Variants in PHTF2 observed in about 807,000 individuals in gnomAD.
The protein encoded by PHTF2 is protein PHTF2.
Under a neutral mutation model 101.2 loss-of-function variants are expected in PHTF2, and 60 were observed. The ratio of observed to expected loss-of-function variants is 0.59; its 90% confidence interval spans 0.48 to 0.73. The LOEUF is 0.73. Ranked by LOEUF, PHTF2 falls within the 30% of genes least tolerant of loss-of-function variation. The probability of loss-of-function intolerance (pLI) is 0.00; values close to 1 mark genes in which losing one functional copy is unlikely to be tolerated. For synonymous variants in PHTF2, 311 were observed against 307.3 expected (o/e 1.01, Z -0.13); for missense variants, 747 against 908.7 (o/e 0.82, Z 2.29).
intron 7 of PHTF2, among the ~76,000 whole-genome samples, chr7:77,904,762 C>T (rs573972657): frequency 5.9e-5 from 9 of 152,210 alleles, no homozygotes; most frequent in South Asian, 4.1e-4. Flanking sequence ...TGTCTCCAAA[C>T]GTAGTCACAT....
intron 1 of PHTF2, among the ~76,000 whole-genome samples, chr7:77,818,726 A>G (rs1562839660): frequency 1.3e-5 from 2 of 152,186 alleles, no homozygotes; most frequent in Admixed American, 6.5e-5. Flanking sequence ...TGCTTCAGCT[A>G]TTCAGAGGCT....
exon 20 of PHTF2, chr7:77,956,004 G>T (rs1806969904): frequency 1.3e-5 from 2 of 152,424 alleles, no homozygotes; most frequent in Admixed American, 6.6e-5. Context: ...CAAATAATTT[G>T]CCAAGTGTCC....
chr7:77,936,535 G>A (rs1033206455), intron 12 of PHTF2, among the ~76,000 whole-genome samples: 1 of 151,814 alleles, frequency 6.6e-6, no homozygotes, highest in South Asian at 2.1e-4. Context: ...TTAGCTGGGC[G>A]TGGTGGTGGG....
intron 10 of PHTF2, among the ~76,000 whole-genome samples, chr7:77,922,017 CTTTTTTTTT>C (rs35763664): frequency 5.2e-5 from 5 of 95,266 alleles, no homozygotes; most frequent in Admixed American, 4.8e-4. Flanking sequence ...GTTTATATTC[CTTTTTTTTT>C]TTTTTTTTTT....
At chr7:77,823,701 A>G (rs1196106247) in intron 1 of PHTF2, among the ~76,000 whole-genome samples, 2 of 152,208 alleles carry the variant, frequency 1.3e-5, no homozygotes, top group African/African-American at 4.8e-5. Flanking sequence ...TATATGGTAT[A>G]TTTGTGAACC....
chr7:77,871,302 C>T (rs1203500539), intron 3 of PHTF2, among the ~76,000 whole-genome samples: 3 of 152,292 alleles, frequency 2.0e-5, no homozygotes, highest in South Asian at 2.1e-4. Flanking sequence ...TCCTTACCTC[C>T]GTTGTGGAGT....
At chr7:77,816,235 T>C (rs902608943) in intron 1 of PHTF2, among the ~76,000 whole-genome samples, 1 of 152,076 alleles carries the variant, frequency 6.6e-6, no homozygotes, top group Non-Finnish European at 1.5e-5. Context: ...CCACAATGCC[T>C]GGCTAATTTT....
chr7:77,828,222 A>T (rs1466347401), intron 1 of PHTF2, among the ~76,000 whole-genome samples: 2 of 152,202 alleles, frequency 1.3e-5, no homozygotes, highest in Non-Finnish European at 2.9e-5. Flanking sequence ...ATTTAAATGG[A>T]TCATATTTCA....
chr7:77,899,741 T>A (rs1408500000), intron 5 of PHTF2, among the ~76,000 whole-genome samples: 1 of 152,210 alleles, frequency 6.6e-6, no homozygotes, highest in African/African-American at 2.4e-5. Flanking sequence ...GGGGTGTCAT[T>A]GTTACTTGGA....
In PHTF2 at chr7:77,944,166, CAGCATGAGAATAAGAGAGTGA is replaced by C. The variant is rs536167217; in HGVS notation, c.1959+1383_1959+1403del. Reference sequence around the variant, plus strand: ...TTAAGAATAAGCATTAATGCTATGGCAGCATGAGAATAAGAGAGTGAAGTACATTGCCAGTATTAGTATTGT... The same window carrying C: ...TTAAGAATAAGCATTAATGCTATGGCAGTACATTGCCAGTATTAGTATTGT... On this transcript the variant is annotated intron_variant, in intron 16 of 19. Coordinates refer to ENST00000416283, the Ensembl canonical transcript of PHTF2. Among the ~76,000 whole-genome samples the C allele has an allele frequency of 8.9e-4, 135 of 152,258 alleles. 1 individual carries two copies. The highest frequency in any genetic ancestry group is 1.6e-3 in the Non-Finnish European group (112 of 68,016).
intron 19 of PHTF2, among the ~76,000 whole-genome samples, chr7:77,954,612 G>GTGTATATATATATATATA (rs1426693429): frequency 5.7e-4 from 51 of 90,184 alleles, no homozygotes; most frequent in African/African-American, 9.0e-4. Flanking sequence ...CAAGTACTGT[G>GTGTATATATATATATATA]TATATATATA....
exon 9 of PHTF2, chr7:77,910,381 C>A (rs774995655): frequency 7.4e-6 from 12 of 1,613,114 alleles, no homozygotes; most frequent in Non-Finnish European, 1.0e-5. Flanking sequence ...CTTCAGAGAT[C>A]TCTGGCATGC....
Position 77,899,003 on chromosome 7 carries a change from T to C in PHTF2, c.217-1708T>C, listed in dbSNP as rs151336875. 6.6e-3 allele frequency among the ~76,000 whole-genome samples: 1,004 copies of C among 152,246 alleles called. 5 individuals carry two copies. The highest frequency in any genetic ancestry group is 0.023 in the African/African-American group (936 of 41,534). On this transcript the variant is annotated intron_variant, in intron 5 of 19. Coordinates refer to ENST00000416283, the Ensembl canonical transcript of PHTF2. Reference sequence around the variant, plus strand: ...TTTTAGTAGAGACGGGGTTTCACCATGTTGGCCAGGCTGTTCTCAAACTCC... The same window carrying C: ...TTTTAGTAGAGACGGGGTTTCACCACGTTGGCCAGGCTGTTCTCAAACTCC...
intron 1 of PHTF2, among the ~76,000 whole-genome samples, chr7:77,806,800 C>CT (rs1180275874): frequency 6.6e-6 from 1 of 151,838 alleles, no homozygotes; most frequent in Non-Finnish European, 1.5e-5. Flanking sequence ...GCCTATAGCT[C>CT]TTTTTTCTTG....
chr7:77,933,398 G>A (rs1314248960), intron 12 of PHTF2, among the ~76,000 whole-genome samples: 1 of 152,208 alleles, frequency 6.6e-6, no homozygotes, highest in African/African-American at 2.4e-5. Flanking sequence ...AAGGATAGGT[G>A]TGTTCAAGGG....
chr7:77,934,510 C>A (rs889476996), intron 12 of PHTF2, among the ~76,000 whole-genome samples: 2 of 152,080 alleles, frequency 1.3e-5, no homozygotes, highest in African/African-American at 2.4e-5. Flanking sequence ...ATAAGGTTTT[C>A]AGGTAGTTTT....
chr7:77,867,120 T>C (rs986919373), intron 3 of PHTF2, among the ~76,000 whole-genome samples: 1 of 152,250 alleles, frequency 6.6e-6, no homozygotes, highest in Non-Finnish European at 1.5e-5. Context: ...TTTTACATGT[T>C]GTTAAGGCTA....
At chr7:77,909,111 T>C (rs1267707436) in intron 8 of PHTF2, 153 bp downstream of exon 7, 1 of 512,212 alleles carries the variant, frequency 2.0e-6, no homozygotes, top group African/African-American at 2.0e-5. Context: ...TACCAGATGA[T>C]TTAGTTTCCA....
At chr7:77,824,995 G>T (rs1310988510) in intron 1 of PHTF2, among the ~76,000 whole-genome samples, 2 of 152,024 alleles carry the variant, frequency 1.3e-5, no homozygotes, top group African/African-American at 4.8e-5. Context: ...CCATGATTGT[G>T]CCACTGCATT....
Sources: allele counts gnomAD v4.1 joint callset (sites outside exome capture counted in the v4.1 genomes callset), GRCh38; gene constraint gnomAD v4.1.1; transcripts MANE v1.5; gene names NCBI Gene and HGNC (gene_info 2026-07-23, HGNC 2026-07-21).